BEST2: variants seen among roughly 807,000 people sequenced by gnomAD.
BEST2 encodes the protein bestrophin 2, also known as bestrophin-2a.
A neutral mutation model predicts 49.0 loss-of-function variants in BEST2; 36 were observed. The ratio of observed to expected loss-of-function variants is 0.73; its 90% CI spans 0.56 to 0.97. The LOEUF (loss-of-function observed/expected upper bound fraction) is 0.97, where lower values mean the gene tolerates loss of function less well. Ranked by LOEUF, BEST2 falls within the 50% of genes least tolerant of loss-of-function variation. The pLI is 0.00. For missense variants in BEST2, 672 were observed against 710.0 expected (o/e 0.95, Z 0.61); for synonymous variants, 335 against 304.4 (o/e 1.10, Z -1.05).
At position 12,758,400 on chromosome 19, in the gene BEST2, C is replaced by G; in HGVS notation, c.*323C>G. On this transcript the variant is annotated 3_prime_UTR_variant, in exon 10 of 10. Transcript: ENST00000553030. ...AGTTGTCATGAGGATGAAAGAATGG[C>G]ATTAAAGCATTTGGTATACAGTAGG... 2 of 421,868 alleles carry G rather than the reference C, an allele frequency of 4.7e-6. No homozygotes were observed. Among genetic ancestry groups the G allele is most frequent in the Non-Finnish European group, 8.5e-6 (2 of 236,420 alleles). The allele number at this position is 421,868 out of a possible 1,614,324, so 26.1% of individuals were successfully genotyped here. A position where few individuals can be genotyped will look rare whatever the true frequency, so the allele number is the denominator to read the frequency against.
At position 12,755,373 on chromosome 19, in the gene BEST2, C is replaced by G. The variant is rs1216557905; in HGVS notation, c.637-6C>G. 6.2e-7 allele frequency: 1 copy of G among 1,613,926 alleles called. No individual in the cohort carries two copies. Among genetic ancestry groups the G allele is most frequent in the African/African-American group, 1.3e-5 (1 of 74,888 alleles). On this transcript the variant is annotated splice_region_variant and splice_polypyrimidine_tract_variant and intron_variant, in intron 5 of 9. Transcript: ENST00000553030. The surrounding 1 kb of genome is among the most constrained non-coding windows in gnomAD (Gnocchi z 4.4). ...AGGCCTCCTCATGACCTGTATCCAC[C>G]CCCAGGAGCTGAATGTTTTTCGGGG...
In BEST2 at chr19:12,758,348, G is replaced by A. The variant is rs1237583579; in HGVS notation, c.*271G>A. The A allele has an allele frequency of 1.9e-6, 1 of 520,776 alleles. No individual in the cohort carries two copies. 32.3% of individuals were successfully genotyped at this position (520,776 alleles called of 1,614,324 possible). ...GTCCTGCCTGAATTCTTTCCTTCAA[G>A]TGAAGATGTGACTGACTACCTCCTC... On this transcript the variant is annotated 3_prime_UTR_variant, in exon 10 of 10. Coordinates refer to ENST00000553030, the MANE Select transcript of BEST2 (RefSeq NM_017682.3).
chr19:12,755,152 C>T lies in BEST2; in HGVS notation c.636+121C>T. 1 of 1,274,252 alleles carries T rather than the reference C, an allele frequency of 7.8e-7. No individual in the cohort carries two copies. 78.9% of individuals were successfully genotyped at this position (1,274,252 alleles called of 1,614,324 possible). ...CGATTTCAAACACCCTCACCAGGTG[C>T]ACTCTTACCTCCATGGGGCTGATTC... On this transcript the variant is annotated intron_variant, in intron 5 of 9. Transcript: ENST00000553030. This position sits in a 1 kb window ranked among gnomAD's most constrained non-coding sequence, Gnocchi z 4.4.
At position 12,757,847 on chromosome 19, in the gene BEST2, T is replaced by C. The variant is rs1967964178; in HGVS notation, c.1300T>C (p.Ser434Pro). 6.5e-7 allele frequency: 1 copy of C among 1,549,126 alleles called. No homozygotes were observed. Among genetic ancestry groups the C allele is most frequent in the Non-Finnish European group, 8.7e-7 (1 of 1,146,724 alleles). Residue 434 changes from serine (S) to proline (P), a missense_variant, in exon 10 of 10, where the codon TCA (serine) becomes CCA (proline). This residue lies in a region of BEST2 where 291 missense variants were observed against 279.8 expected (regional missense o/e 1.04). Transcript: ENST00000553030. The part of the protein sequence containing the change: ...VSEASTGASC[S>P]CAVVPEGAAP... ...GGAGGCGTCTACTGGGGCCAGCTGC[T>C]CATGCGCGGTTGTCCCCGAAGGCGC...
intron 9 of BEST2, 148 bp from the exon 10 acceptor site, chr19:12,757,503 T>TGAG: frequency 1.2e-6 from 1 of 813,358 alleles, no homozygotes; most frequent in Non-Finnish European, 1.8e-6. Context: ...AAACACAGGG[T>TGAG]GAGGCCAGGC....
chr19:12,752,400 C>T (rs967233523), intron 1 of BEST2, 142 bp from the exon 2 acceptor site: 154 of 547,790 alleles, frequency 2.8e-4, no homozygotes, highest in Non-Finnish European at 4.8e-4. Context: ...CAGGGAGGGG[C>T]ACTGGGGGCT....
chr19:12,754,763 C>T lies in BEST2; in HGVS notation c.459C>T (p.Thr153=). The T allele has an allele frequency of 6.3e-7, 1 of 1,587,310 alleles. No homozygotes were observed. Among genetic ancestry groups the T allele is most frequent in the Non-Finnish European group, 8.6e-7 (1 of 1,166,538 alleles). The change falls in exon 4 of 10, where the codon ACC becomes ACT. Residue 153 remains threonine, a synonymous_variant. Transcript: ENST00000553030. ...CCGCGGTGTTCAAGCGCTTCCCCAC[C>T]ATAGACCACGTGGTGGAGGCTGGTG... is the stretch of plus-strand genomic sequence containing the variant. ...VSTAVFKRFP[T]IDHVVEAGFM...
chr19:12,754,106 C>T (rs1322457949), intron 3 of BEST2, among the ~76,000 whole-genome samples: 2 of 112,838 alleles, frequency 1.8e-5, no homozygotes, highest in Admixed American at 1.3e-4. Flanking sequence ...GATGGAGTCT[C>T]GCTCTGTTGC....
At position 12,755,996 on chromosome 19, in the gene BEST2, G is replaced by A; in HGVS notation, c.948+61G>A. The A allele has an allele frequency of 6.3e-7, 1 of 1,594,794 alleles. No individual in the cohort carries two copies. The highest frequency in any genetic ancestry group is 8.6e-7 in the Non-Finnish European group (1 of 1,163,180). On this transcript the variant is annotated intron_variant, in intron 8 of 9. Transcript: ENST00000553030. This position sits in a 1 kb window ranked among gnomAD's most constrained non-coding sequence, Gnocchi z 4.4. Reference sequence around the variant, plus strand: ...CGACCATCCCGGAGTGCCCAACAGGGTTCTGGTCCCACCCCTGCCAAGTCT... The same window carrying A: ...CGACCATCCCGGAGTGCCCAACAGGATTCTGGTCCCACCCCTGCCAAGTCT...
In BEST2 at chr19:12,756,137, G is replaced by C. The variant is rs763978340; in HGVS notation, c.949-4G>C. On this transcript the variant is annotated splice_region_variant and splice_polypyrimidine_tract_variant and intron_variant, in intron 8 of 9. Coordinates refer to ENST00000553030, the MANE Select transcript of BEST2 (RefSeq NM_017682.3). ...CACTTTACCCTGTGTGTTTGCACCC[G>C]TAGGTGTCCATGCTGGCAGTGGACG... 2 of 1,614,232 alleles carry C rather than the reference G, an allele frequency of 1.2e-6. No homozygotes were observed. The highest frequency in any genetic ancestry group is 1.7e-6 in the Non-Finnish European group (2 of 1,180,038).
Position 12,758,030 on chromosome 19 carries a change from C to A in BEST2, c.1483C>A (p.Pro495Thr). Reference protein sequence around the residue: ...TMPGPRGPAPPWLPSPIGEEE... With the variant: ...TMPGPRGPAPTWLPSPIGEEE... ...GCCCGGGCCCCGGGGTCCGGCGCCA[C>A]CCTGGCTGCCCAGCCCTATTGGCGA... is the stretch of plus-strand genomic sequence containing the variant. Residue 495 changes from proline to threonine, a missense_variant, in exon 10 of 10, where the codon CCC becomes ACC. Transcript: ENST00000553030. 6.2e-7 allele frequency: 1 copy of A among 1,613,232 alleles called. No homozygotes were observed. The highest frequency in any genetic ancestry group is 8.5e-7 in the Non-Finnish European group (1 of 1,179,954).
Position 12,757,714 on chromosome 19 carries a change from G to T in BEST2, c.1167G>T (p.Ala389=), listed in dbSNP as rs773034860. The change falls in exon 10 of 10, where the codon GCG becomes GCT. Residue 389 remains alanine, a synonymous_variant. Transcript: ENST00000553030. ...GCTTGGATGGACCGATGGGAGAGGC[G>T]CCCGGCGACTTCCTGCAGCGCCTCC... is the stretch of plus-strand genomic sequence containing the variant. The part of the protein sequence containing the change: ...LDGLDGPMGE[A]PGDFLQRLLP... 6.5e-7 allele frequency: 1 copy of T among 1,545,780 alleles called. No homozygotes were observed. The highest frequency in any genetic ancestry group is 1.2e-5 in the South Asian group (1 of 84,156).
Position 12,752,634 on chromosome 19 carries a change from C to T in BEST2, c.42C>T (p.Phe14=), listed in dbSNP as rs200272142. The T allele has an allele frequency of 2.0e-4, 317 of 1,612,542 alleles. No homozygotes were observed. Among genetic ancestry groups the T allele is most frequent in the Non-Finnish European group, 1.9e-4 (227 of 1,179,864 alleles). Residue 14 remains phenylalanine (F), a synonymous_variant, in exon 2 of 10, where the codon TTC becomes TTT. Transcript: ENST00000553030. ...TYTARVANAR[F]GGFSQLLLLW... The stretch of plus-strand genomic sequence containing the variant: ...CAGCCCGAGTGGCGAACGCCCGCTT[C>T]GGTGGCTTCTCCCAGCTGCTGCTAC...
rs1353308205 is a variant in BEST2 at position 12,758,204 on chromosome 19, C to T, written c.*127C>T. The T allele has an allele frequency of 1.3e-5, 15 of 1,188,844 alleles. No individual in the cohort carries two copies. Among genetic ancestry groups the T allele is most frequent in the Non-Finnish European group, 1.2e-5 (10 of 854,248 alleles). 73.6% of individuals were successfully genotyped at this position (1,188,844 alleles called of 1,614,324 possible). ...CACCTACACTTTTGACCAGCTCTCG[C>T]TGCCCGCATGTGTTTGGCGCTGTGC... On this transcript the variant is annotated 3_prime_UTR_variant, in exon 10 of 10. Transcript: ENST00000553030.
Position 12,755,848 on chromosome 19 carries a change from C to G in BEST2, c.868-7C>G, listed in dbSNP as rs780841714. 2 of 1,614,172 alleles carry G rather than the reference C, an allele frequency of 1.2e-6. No individual in the cohort carries two copies. Among genetic ancestry groups the G allele is most frequent in the Non-Finnish European group, 1.7e-6 (2 of 1,179,990 alleles). On this transcript the variant is annotated splice_polypyrimidine_tract_variant and splice_region_variant and intron_variant, in intron 7 of 9. Transcript: ENST00000553030. The surrounding 1 kb of genome is among the most constrained non-coding windows in gnomAD (Gnocchi z 4.4). ...AGTTTCCACCTAACTGCTCCCTCTCCTCTCAGGTAGCTGAGCAGCTCATCA... is the reference window on the plus strand; with the variant it reads ...AGTTTCCACCTAACTGCTCCCTCTCGTCTCAGGTAGCTGAGCAGCTCATCA...
intron 4 of BEST2, 32 bp downstream of exon 4, chr19:12,754,817 CG>C: frequency 6.3e-7 from 1 of 1,581,836 alleles, no homozygotes; most frequent in African/African-American, 1.3e-5. Context: ...GGGCAGAGAC[CG>C]GGCAAGGACC....
chr19:12,757,780 C>T lies in BEST2; in HGVS notation c.1233C>T (p.Gly411=), dbSNP rs1166092616. 6.5e-7 allele frequency: 1 copy of T among 1,546,058 alleles called. No homozygotes were observed. Among genetic ancestry groups the T allele is most frequent in the Non-Finnish European group, 8.7e-7 (1 of 1,146,120 alleles). ...GAGMVAGGPL[G]RRLSFLLRKN... ...GCATGGTCGCGGGAGGCCCGCTGGG[C>T]CGGCGCCTGTCCTTTCTACTCCGCA... Residue 411 remains glycine (G), a synonymous_variant, in exon 10 of 10, where the codon GGC becomes GGT. Coordinates refer to ENST00000553030, the MANE Select transcript of BEST2 (RefSeq NM_017682.3).
rs1314043249 is a variant in BEST2, at chr19:12,757,619, GCCGCAGCGCTGGCCCACTGTCGGTC to G, written c.1104-25_1104-1del. 2 of 1,518,634 alleles carry G rather than the reference GCCGCAGCGCTGGCCCACTGTCGGTC, an allele frequency of 1.3e-6. No individual in the cohort carries two copies. The highest frequency in any genetic ancestry group is 1.8e-6 in the Non-Finnish European group (2 of 1,142,074). The allele number at this position is 1,518,634 out of a possible 1,614,324, so 94.1% of individuals were successfully genotyped here. On this transcript the variant is annotated splice_polypyrimidine_tract_variant and splice_region_variant and intron_variant, in intron 9 of 9. Coordinates refer to ENST00000553030, the MANE Select transcript of BEST2 (RefSeq NM_017682.3). ...CCCTGCTCTGTCAACAAGAGGCGAGGCCGCAGCGCTGGCCCACTGTCGGTCCCGCAGGCTGGCCAAAGAAGACATG... is the reference window on the plus strand; with the variant it reads ...CCCTGCTCTGTCAACAAGAGGCGAGGCCGCAGGCTGGCCAAAGAAGACATG...
At chr19:12,754,222 C>T (rs566391465) in intron 3 of BEST2, among the ~76,000 whole-genome samples, 2 of 151,876 alleles carry the variant, frequency 1.3e-5, no homozygotes, top group South Asian at 2.1e-4. Flanking sequence ...ACTACAGGTG[C>T]GCCACCATGC....
Sources: gnomAD v4.1 joint callset for allele counts (sites outside exome capture counted in the v4.1 genomes callset) on GRCh38, gnomAD v4.1.1 for gene constraint, gnomAD v4.1.1 regional missense constraint, Gnocchi (gnomAD v3.1) non-coding constraint, MANE v1.5 for transcripts, NCBI Gene and HGNC (gene_info 2026-07-23, HGNC 2026-07-21) for gene names.